Variants in CYP2J2 observed in about 807,000 individuals in gnomAD.
The protein encoded by CYP2J2 is cytochrome P450 2J2.
In CYP2J2, 41 loss-of-function variants were observed where a neutral mutation model predicts 48.8. That is an observed-to-expected ratio of 0.84 (90% CI 0.66 to 1.09). CYP2J2 has a LOEUF of 1.09. CYP2J2 is among the 50% of genes least tolerant of loss of function. The pLI, the probability that CYP2J2 is intolerant of heterozygous loss-of-function variation, is 0.00. For synonymous variants in CYP2J2, 221 were observed against 227.1 expected, an observed-to-expected ratio of 0.97 and a Z score of 0.24; for missense variants, 644 against 617.3, an observed-to-expected ratio of 1.04 and a Z score of -0.46.
chr1:59,921,026 A>G (rs1251187623), intron 1 of CYP2J2, among the ~76,000 whole-genome samples: 1 of 152,168 alleles, frequency 6.6e-6, no homozygotes, highest in Non-Finnish European at 1.5e-5. Flanking sequence ...ACATTCTACA[A>G]AAGGTTATCC....
chr1:59,952,554 AG>A, the CYP2J2 span, among the ~76,000 whole-genome samples: 1 of 152,174 alleles, frequency 6.6e-6, no homozygotes, highest in Admixed American at 6.5e-5. Flanking sequence ...GGTATTAGGA[AG>A]AACCCTTCCC....
the CYP2J2 span, among the ~76,000 whole-genome samples, chr1:59,941,827 AAT>A: frequency 0.012 from 1,755 of 152,312 alleles, 33 homozygotes; most frequent in African/African-American, 0.039. Context: ...ACAGCTGCAC[AAT>A]ATGTGTTTTA....
Position 59,916,120 on chromosome 1 carries a change from T to TTAAAAATAGTTAAA in CYP2J2, c.211-21_211-20insTTTAACTATTTTTA. ...CACAAACTGAAAAATAGTTAAATCGTAACAGTTGAATATGCACATGTCCAT... is the reference window on the plus strand; with the variant it reads ...CACAAACTGAAAAATAGTTAAATCGTTAAAAATAGTTAAAAACAGTTGAATATGCACATGTCCAT... On this transcript the variant is annotated intron_variant, in intron 1 of 8. Transcript: ENST00000371204. 3 of 1,601,736 alleles carry TTAAAAATAGTTAAA rather than the reference T, an allele frequency of 1.9e-6. No homozygotes were observed. Among genetic ancestry groups the TTAAAAATAGTTAAA allele is most frequent in the Non-Finnish European group, 2.6e-6 (3 of 1,173,012 alleles).
chr1:59,944,861 T>C, the CYP2J2 span, among the ~76,000 whole-genome samples: 1 of 152,064 alleles, frequency 6.6e-6, no homozygotes, highest in Admixed American at 6.6e-5. Context: ...TTTGCATTTA[T>C]TTTTTTTCTG....
intron 1 of CYP2J2, among the ~76,000 whole-genome samples, chr1:59,917,049 G>A (rs1431028106): frequency 2.0e-5 from 3 of 152,176 alleles, no homozygotes; most frequent in African/African-American, 7.2e-5. Flanking sequence ...CTGGAGTTAT[G>A]TGACAATCTG....
At chr1:59,949,082 T>G in the CYP2J2 span, among the ~76,000 whole-genome samples, 1 of 151,642 alleles carries the variant, frequency 6.6e-6, no homozygotes, top group Non-Finnish European at 1.5e-5. Context: ...ATTCAAACTC[T>G]CCTGATGGCA....
At chr1:59,969,134 A>G in the CYP2J2 span, among the ~76,000 whole-genome samples, 5 of 152,078 alleles carry the variant, frequency 3.3e-5, no homozygotes, top group African/African-American at 1.2e-4. Flanking sequence ...GTGGACCCAA[A>G]GAGTTAGCAG....
At chr1:59,967,671 T>C in the CYP2J2 span, among the ~76,000 whole-genome samples, 1 of 152,366 alleles carries the variant, frequency 6.6e-6, no homozygotes, top group East Asian at 1.9e-4. Flanking sequence ...GCAAAGCCTC[T>C]GCCTCCTGTG....
the CYP2J2 span, among the ~76,000 whole-genome samples, chr1:59,945,343 T>C: frequency 8.4e-4 from 128 of 152,268 alleles, no homozygotes; most frequent in African/African-American, 3.0e-3. Flanking sequence ...CTAATCTATC[T>C]TCTTCCTACT....
chr1:59,905,406 G>T (rs1057247259), intron 6 of CYP2J2, among the ~76,000 whole-genome samples: 6 of 152,174 alleles, frequency 3.9e-5, no homozygotes, highest in African/African-American at 1.4e-4. Flanking sequence ...CAGCTCTCTG[G>T]AGTCTCTTTT....
At chr1:59,916,716 G>C (rs1644469442) in intron 1 of CYP2J2, among the ~76,000 whole-genome samples, 1 of 152,160 alleles carries the variant, frequency 6.6e-6, no homozygotes, top group Non-Finnish European at 1.5e-5. Context: ...TTGGGTGACA[G>C]AGTGAAAGCC....
intron 6 of CYP2J2, 71 bp downstream of exon 6, chr1:59,907,715 C>G: frequency 6.4e-7 from 1 of 1,554,394 alleles, no homozygotes; most frequent in South Asian, 1.2e-5. Flanking sequence ...TCTTCTGGCC[C>G]CGACTTCAGG....
the CYP2J2 span, among the ~76,000 whole-genome samples, chr1:59,935,652 C>T: frequency 1.3e-5 from 2 of 152,058 alleles, no homozygotes; most frequent in South Asian, 2.1e-4. Context: ...AAGTAAACTA[C>T]AAAACTCTGA....
the CYP2J2 span, among the ~76,000 whole-genome samples, chr1:59,942,926 G>A: frequency 1.3e-5 from 2 of 151,998 alleles, no homozygotes; most frequent in Non-Finnish European, 2.9e-5. Context: ...TATGAACCCC[G>A]TTTTACAAAA....
the CYP2J2 span, among the ~76,000 whole-genome samples, chr1:59,943,126 C>T: frequency 4.6e-5 from 7 of 152,044 alleles, no homozygotes; most frequent in Non-Finnish European, 7.4e-5. Context: ...TCCAAGTGGA[C>T]GTGTCAAGTA....
intron 7 of CYP2J2, chr1:59,904,240 T>C (rs11572292): frequency 0.025 from 3,806 of 152,272 alleles, 83 homozygotes; most frequent in Non-Finnish European, 0.038. Context: ...CTGGGCATAG[T>C]GGCGCATGCT....
chr1:59,926,453 C>G (rs1644564889), intron 1 of CYP2J2, 84 bp downstream of exon 1: 9 of 1,191,424 alleles, frequency 7.6e-6, no homozygotes, highest in Non-Finnish European at 1.1e-5. Flanking sequence ...TCATCCCCCA[C>G]CCCACCCACG....
rs144856672 is a variant in CYP2J2 at position 59,904,999 on chromosome 1, C to T, written c.1063G>A (p.Ala355Thr). The change falls in exon 7 of 9, where the codon GCC (alanine) becomes ACC (threonine). Residue 355 changes from alanine (A) to threonine (T), a missense_variant. Physicochemically the swap from Ala to Thr is moderately conservative, Grantham distance 58. Transcript: ENST00000371204. ...IGQGQQPSTAARESMPYTNAV... is the reference protein window; with the variant it reads ...IGQGQQPSTATRESMPYTNAV... Reference sequence around the variant, plus strand: ...TTGGTGTAGGGCATGGACTCCCGGGCGGCTGTGCTCGGCTGCTGCCCCTGG... The same window carrying T: ...TTGGTGTAGGGCATGGACTCCCGGGTGGCTGTGCTCGGCTGCTGCCCCTGG... The T allele has an allele frequency of 1.2e-3, 1,862 of 1,613,860 alleles. 14 individuals carry two copies. In the Middle Eastern group the frequency reaches 0.018, roughly 16 times the overall value.
intron 8 of CYP2J2, among the ~76,000 whole-genome samples, chr1:59,894,798 T>G (rs191360458): frequency 1.3e-5 from 2 of 152,328 alleles, no homozygotes; most frequent in East Asian, 3.9e-4. Flanking sequence ...TATTATTAAC[T>G]TGATCTGGTT....
Sources: allele counts gnomAD v4.1 joint callset (sites outside exome capture counted in the v4.1 genomes callset), GRCh38; gene constraint gnomAD v4.1.1; transcripts MANE v1.5; gene names NCBI Gene and HGNC (gene_info 2026-07-23, HGNC 2026-07-21).